Variants in FLI1 observed in about 807,000 individuals in gnomAD.
The protein encoded by FLI1 is Friend leukemia integration 1 transcription factor.
FLI1 carries 13 observed loss-of-function variants against 53.1 expected under a neutral mutation model. The ratio of observed to expected loss-of-function variants is 0.24; its 90% CI spans 0.16 to 0.39. The LOEUF is 0.39. FLI1 is among the 10% of genes least tolerant of loss of function. The pLI, the probability that FLI1 is intolerant of heterozygous loss-of-function variation, is 1.00. For synonymous variants in FLI1, 244 were observed against 236.7 expected, an observed-to-expected ratio of 1.03 and a Z score of -0.28; for missense variants, 424 against 600.5, an observed-to-expected ratio of 0.71 and a Z score of 3.07.
chr11:128,727,434 G>T (rs1939528958), intron 1 of FLI1, among the ~76,000 whole-genome samples: 2 of 152,184 alleles, frequency 1.3e-5, no homozygotes, highest in African/African-American at 4.8e-5. Flanking sequence ...GGAGTTGGGT[G>T]GTCTAGATGC....
intron 1 of FLI1, among the ~76,000 whole-genome samples, chr11:128,741,891 C>T (rs990343287): frequency 1.3e-5 from 2 of 152,260 alleles, no homozygotes; most frequent in East Asian, 1.9e-4. Context: ...GCTGGGGAAG[C>T]TTGTGCCTGG....
rs558903478 is a variant in FLI1 at position 128,762,109 on chromosome 11, T to C, written c.230+3783T>C. On this transcript the variant is annotated intron_variant, in intron 2 of 8. Transcript: ENST00000527786. Reference sequence around the variant, plus strand: ...AATGTCATTGCTTACAGTGGAACCATGTCAGACCCTATCATTTAATTATGC... The same window carrying C: ...AATGTCATTGCTTACAGTGGAACCACGTCAGACCCTATCATTTAATTATGC... Among the ~76,000 whole-genome samples, 9 of 152,284 alleles carry C rather than the reference T, an allele frequency of 5.9e-5. No individual in the cohort carries two copies. The East Asian group carries it at 1.5e-3, about 26-fold the overall frequency.
intron 5 of FLI1, among the ~76,000 whole-genome samples, chr11:128,801,239 G>A (rs1172207548): frequency 2.0e-5 from 3 of 152,168 alleles, no homozygotes; most frequent in Admixed American, 6.5e-5. Context: ...ACGGAGAGTC[G>A]GGGCAGGAGC....
chr11:128,806,523 T>G (rs917920711), intron 6 of FLI1: 1 of 152,238 alleles, frequency 6.6e-6, no homozygotes, highest in Non-Finnish European at 1.5e-5. Context: ...AATGATGCTA[T>G]GAAGATATGC....
upstream of FLI1, among the ~76,000 whole-genome samples, chr11:128,689,758 C>T (rs951467756): frequency 2.0e-5 from 3 of 152,262 alleles, no homozygotes; most frequent in Non-Finnish European, 4.4e-5. Flanking sequence ...CACCTCTTGT[C>T]AGCCTGCTCT....
intron 2 of FLI1, among the ~76,000 whole-genome samples, chr11:128,760,585 T>A (rs1941076700): frequency 6.9e-6 from 1 of 145,006 alleles, no homozygotes. Context: ...TGGAGTGCAG[T>A]GGTACAGTCT....
At chr11:128,712,146 G>A (rs1470004210) in intron 1 of FLI1, among the ~76,000 whole-genome samples, 1 of 152,156 alleles carries the variant, frequency 6.6e-6, no homozygotes, top group African/African-American at 2.4e-5. Flanking sequence ...TGTCATCTCT[G>A]GGCGAGAAGT....
At chr11:128,742,407 G>T (rs1222832333) in intron 1 of FLI1, among the ~76,000 whole-genome samples, 7 of 152,180 alleles carry the variant, frequency 4.6e-5, no homozygotes, top group Non-Finnish European at 5.9e-5. Flanking sequence ...TCTGTTTTAT[G>T]GCCCCATTGT....
chr11:128,764,119 C>T (rs1941238032), intron 2 of FLI1, among the ~76,000 whole-genome samples: 1 of 152,118 alleles, frequency 6.6e-6, no homozygotes, highest in African/African-American at 2.4e-5. Flanking sequence ...GATGATATAC[C>T]CAAGTTCAGT....
At chr11:128,794,102 C>G (rs901073312) in intron 5 of FLI1, among the ~76,000 whole-genome samples, 3 of 152,174 alleles carry the variant, frequency 2.0e-5, no homozygotes, top group South Asian at 4.1e-4. Context: ...CCAAGTTTCC[C>G]CTTGACACTA....
upstream of FLI1, chr11:128,686,167 G>C: frequency 2.8e-6 from 1 of 360,182 alleles, no homozygotes; most frequent in African/African-American, 2.1e-5. Context: ...GCACTGAGGG[G>C]CGAGTGTTGG....
intron 1 of FLI1, among the ~76,000 whole-genome samples, chr11:128,697,514 A>G (rs1296116427): frequency 6.6e-6 from 1 of 151,872 alleles, no homozygotes; most frequent in Non-Finnish European, 1.5e-5. Flanking sequence ...CTGCTACCTT[A>G]GCTGGATACA....
At chr11:128,728,956 G>A (rs1939587450) in intron 1 of FLI1, among the ~76,000 whole-genome samples, 3 of 152,154 alleles carry the variant, frequency 2.0e-5, no homozygotes, top group Admixed American at 1.3e-4. Flanking sequence ...GATGTTCTTT[G>A]ACTCAAGGAG....
At chr11:128,698,823 AAAAT>A (rs1565454715) in intron 1 of FLI1, among the ~76,000 whole-genome samples, 1 of 152,196 alleles carries the variant, frequency 6.6e-6, no homozygotes, top group Non-Finnish European at 1.5e-5. Context: ...TATTTAATGA[AAAAT>A]AAATAAAATT....
intron 1 of FLI1, among the ~76,000 whole-genome samples, chr11:128,723,131 C>G (rs898824038): frequency 1.1e-4 from 16 of 152,162 alleles, no homozygotes; most frequent in African/African-American, 3.9e-4. Context: ...TCAAATCACC[C>G]CCTGAAGATC....
chr11:128,801,135 A>T (rs1299677093), intron 5 of FLI1, among the ~76,000 whole-genome samples: 1 of 152,220 alleles, frequency 6.6e-6, no homozygotes, highest in Non-Finnish European at 1.5e-5. Context: ...CTCAGGAGGC[A>T]GACTCCAGGC....
chr11:128,772,366 T>C (rs970583227), intron 3 of FLI1, among the ~76,000 whole-genome samples: 4 of 152,252 alleles, frequency 2.6e-5, no homozygotes, highest in Non-Finnish European at 4.4e-5. Context: ...CTGTTTCTTT[T>C]CTACAGCCAT....
Position 128,811,125 on chromosome 11 carries a change from T to G in FLI1, c.*137T>G. On this transcript the variant is annotated 3_prime_UTR_variant, in exon 9 of 9. Coordinates refer to ENST00000527786, the MANE Select transcript of FLI1 (RefSeq NM_002017.5). ...TTTCTTGTTGGATAGAACCTTTGTA[T>G]TTGTTCTTTAAAAACATTTTTTTTA... 1.2e-6 allele frequency: 1 copy of G among 852,304 alleles called. No homozygotes were observed. Among genetic ancestry groups the G allele is most frequent in the South Asian group, 1.6e-5 (1 of 62,346 alleles). 52.8% of individuals were successfully genotyped at this position (852,304 alleles called of 1,614,324 possible). A position where few individuals can be genotyped will look rare whatever the true frequency, so the allele number is the denominator to read the frequency against.
At chr11:128,703,839 T>G (rs1938438373) in intron 1 of FLI1, among the ~76,000 whole-genome samples, 1 of 69,684 alleles carries the variant, frequency 1.4e-5, no homozygotes, top group Non-Finnish European at 2.4e-5. Context: ...CGAGACTCCG[T>G]CTCAAAAAAA....
Sources: allele counts gnomAD v4.1 joint callset (sites outside exome capture counted in the v4.1 genomes callset), GRCh38; gene constraint gnomAD v4.1.1; transcripts MANE v1.5; gene names NCBI Gene and HGNC (gene_info 2026-07-23, HGNC 2026-07-21).